Variants in NUDT19 observed in about 807,000 individuals in gnomAD.
The protein encoded by NUDT19 is nudix hydrolase 19, also known as acyl-coenzyme A diphosphatase NUDT19.
In NUDT19, 31 loss-of-function variants were observed where a neutral mutation model predicts 22.2. The observed-to-expected ratio is 1.40, with a 90% CI of 1.05 to 1.89. NUDT19 has a LOEUF of 1.89. NUDT19 is among the 40% of genes most tolerant of loss of function. NUDT19 has a pLI of 0.00. For missense variants in NUDT19, 752 were observed against 514.2 expected, an observed-to-expected ratio of 1.46 and a Z score of -4.47; for synonymous variants, 325 against 230.8, an observed-to-expected ratio of 1.41 and a Z score of -3.70.
At chr19:32,706,815 G>T (rs776442641) in intron 1 of NUDT19, among the ~76,000 whole-genome samples, 1 of 152,164 alleles carries the variant, frequency 6.6e-6, no homozygotes, top group Non-Finnish European at 1.5e-5. Context: ...GATTTCATGC[G>T]TCCACTAGGG....
intron 1 of NUDT19, 29 bp from the exon 2 acceptor site, chr19:32,709,156 T>G (rs1216379139): frequency 6.6e-7 from 1 of 1,525,940 alleles, no homozygotes; most frequent in South Asian, 1.1e-5. Context: ...GGCATAAACC[T>G]TAAGAAACCC....
chr19:32,693,579 A>T (rs1017466745), intron 1 of NUDT19, among the ~76,000 whole-genome samples: 3 of 151,830 alleles, frequency 2.0e-5, no homozygotes, highest in African/African-American at 7.3e-5. Context: ...GGCCCTGCCC[A>T]TGTCCTGCTG....
At chr19:32,703,412 C>T (rs1968355548) in intron 1 of NUDT19, among the ~76,000 whole-genome samples, 1 of 151,532 alleles carries the variant, frequency 6.6e-6, no homozygotes, top group African/African-American at 2.4e-5. Context: ...GCAATGGTGC[C>T]ATCTCAGCTC....
chr19:32,711,996 C>A lies in NUDT19; in HGVS notation c.*39C>A, dbSNP rs766469623. ...GTTTGTAAAATGGCCTACTTGAAGTCCTCATGAATAATGAGGGTTGACTTT... is the reference window on the plus strand; with the variant it reads ...GTTTGTAAAATGGCCTACTTGAAGTACTCATGAATAATGAGGGTTGACTTT... On this transcript the variant is annotated 3_prime_UTR_variant, in exon 3 of 3. Transcript: ENST00000397061. The A allele has an allele frequency of 4.6e-6, 6 of 1,303,168 alleles. No individual in the cohort carries two copies. The African/African-American group carries it at 8.7e-5, about 19-fold the overall frequency. 80.7% of individuals were successfully genotyped at this position (1,303,168 alleles called of 1,614,324 possible). A position where few individuals can be genotyped will look rare whatever the true frequency, so the allele number is the denominator to read the frequency against.
chr19:32,713,143 C>CATTTT lies in NUDT19; in HGVS notation c.*1200_*1204dup, dbSNP rs914169080. On this transcript the variant is annotated 3_prime_UTR_variant, in exon 3 of 3. Coordinates refer to ENST00000397061, the MANE Select transcript of NUDT19 (RefSeq NM_001105570.2). ...CAAATTAGAAATCGATTTTAGTTAA[C>CATTTT]ATTTTATTTTATTTTATTCTATTTT... 9.2e-5 allele frequency: 14 copies of CATTTT among 152,166 alleles called. No homozygotes were observed. Among genetic ancestry groups the CATTTT allele is most frequent in the African/African-American group, 3.1e-4 (13 of 41,524 alleles). The allele number at this position is 152,166 out of a possible 1,614,324, so 9.4% of individuals were successfully genotyped here. A position where few individuals can be genotyped will look rare whatever the true frequency, so the allele number is the denominator to read the frequency against.
intron 1 of NUDT19, among the ~76,000 whole-genome samples, chr19:32,695,802 G>A (rs1230586700): frequency 6.6e-6 from 1 of 152,236 alleles, no homozygotes; most frequent in Non-Finnish European, 1.5e-5. Flanking sequence ...TGCAGCATGG[G>A]CATGTAGGAT....
intron 1 of NUDT19, among the ~76,000 whole-genome samples, chr19:32,707,635 G>A (rs1968400139): frequency 1.3e-5 from 2 of 152,084 alleles, no homozygotes; most frequent in Non-Finnish European, 2.9e-5. Flanking sequence ...ACGAGGTCAG[G>A]ATTTCAAGAC....
At chr19:32,704,235 G>A (rs977836501) in intron 1 of NUDT19, among the ~76,000 whole-genome samples, 2 of 151,802 alleles carry the variant, frequency 1.3e-5, no homozygotes, top group Non-Finnish European at 2.9e-5. Context: ...AAATTTCTTA[G>A]GAGAGGTCTG....
At chr19:32,702,237 T>C (rs1481698923) in intron 1 of NUDT19, among the ~76,000 whole-genome samples, 1 of 152,182 alleles carries the variant, frequency 6.6e-6, no homozygotes, top group Non-Finnish European at 1.5e-5. Context: ...AGAGGGTAAT[T>C]GACCTTGCAG....
At chr19:32,708,808 C>G (rs898362838) in intron 1 of NUDT19, among the ~76,000 whole-genome samples, 1 of 152,214 alleles carries the variant, frequency 6.6e-6, no homozygotes, top group African/African-American at 2.4e-5. Context: ...GAGGAATGAA[C>G]AGGCACCAAA....
intron 1 of NUDT19, among the ~76,000 whole-genome samples, chr19:32,694,273 C>G (rs1023899900): frequency 6.6e-6 from 1 of 152,126 alleles, no homozygotes; most frequent in South Asian, 2.1e-4. Context: ...AAATGCCGGG[C>G]GGCATCTTGC....
At position 32,692,558 on chromosome 19, in the gene NUDT19, T is replaced by C; in HGVS notation, c.598T>C (p.Trp200Arg). 2 of 1,597,924 alleles carry C rather than the reference T, an allele frequency of 1.3e-6. No individual in the cohort carries two copies. The highest frequency in any genetic ancestry group is 1.7e-6 in the Non-Finnish European group (2 of 1,174,156). ...DIWALHNWSA[W>R]LTPFLRGTTR... Reference sequence around the variant, plus strand: ...CTGGGCGCTGCACAACTGGAGCGCCTGGCTCACCCCTTTCTTGCGGGGCAC... The same window carrying C: ...CTGGGCGCTGCACAACTGGAGCGCCCGGCTCACCCCTTTCTTGCGGGGCAC... The change falls in exon 1 of 3, where the codon TGG becomes CGG. Residue 200 changes from tryptophan (W) to arginine (R), a missense_variant. By Grantham distance (101) the Trp-to-Arg change is moderately radical. Transcript: ENST00000397061.
intron 1 of NUDT19, among the ~76,000 whole-genome samples, chr19:32,694,121 G>A (rs1210829218): frequency 3.3e-5 from 5 of 152,186 alleles, no homozygotes; most frequent in Non-Finnish European, 5.9e-5. Flanking sequence ...TGACAAGGAG[G>A]TTAAAAATAC....
intron 1 of NUDT19, among the ~76,000 whole-genome samples, chr19:32,706,362 C>T (rs1968387076): frequency 6.6e-6 from 1 of 152,148 alleles, no homozygotes. Context: ...TTTTACTACA[C>T]GAATTGTTAT....
intron 1 of NUDT19, among the ~76,000 whole-genome samples, chr19:32,693,145 C>T (rs570903471): frequency 2.4e-4 from 36 of 152,292 alleles, no homozygotes; most frequent in Admixed American, 5.9e-4. Context: ...TTCTTGGTCT[C>T]GCTGACTTTA....
rs1722684203 is a variant in NUDT19, at chr19:32,713,532, A to G, written c.*1575A>G. ...TGTTTGTATTCCACACTGTTAATGA[A>G]TGTAAAGAGGTTAGAAATGTAGTGT... On this transcript the variant is annotated 3_prime_UTR_variant, in exon 3 of 3. Transcript: ENST00000397061. 6.6e-6 allele frequency: 1 copy of G among 152,212 alleles called. No homozygotes were observed. Among genetic ancestry groups the G allele is most frequent in the South Asian group, 2.1e-4 (1 of 4,836 alleles). The allele number at this position is 152,212 out of a possible 1,614,324, so 9.4% of individuals were successfully genotyped here.
chr19:32,708,525 G>A (rs1968412215), intron 1 of NUDT19, among the ~76,000 whole-genome samples: 1 of 152,152 alleles, frequency 6.6e-6, no homozygotes, highest in Non-Finnish European at 1.5e-5. Context: ...AGGAAGGAGA[G>A]GAGGTTGTAG....
At chr19:32,708,983 T>G (rs1034519689) in intron 1 of NUDT19, among the ~76,000 whole-genome samples, 1 of 152,182 alleles carries the variant, frequency 6.6e-6, no homozygotes, top group African/African-American at 2.4e-5. Flanking sequence ...TGAGGATCAG[T>G]GTCCTAATAA....
chr19:32,708,448 C>T (rs1231725522), intron 1 of NUDT19, among the ~76,000 whole-genome samples: 1 of 151,678 alleles, frequency 6.6e-6, no homozygotes, highest in Admixed American at 6.6e-5. Flanking sequence ...AAAAGAACAA[C>T]CTTTGAGGTT....
Sources: allele counts gnomAD v4.1 joint callset (sites outside exome capture counted in the v4.1 genomes callset), GRCh38; gene constraint gnomAD v4.1.1; transcripts MANE v1.5; gene names NCBI Gene and HGNC (gene_info 2026-07-23, HGNC 2026-07-21).